The following PCSK2 variants were observed in gnomAD, a reference collection of about 807,000 sequenced individuals.
The protein encoded by PCSK2 is neuroendocrine convertase 2.
Under a neutral mutation model 69.7 loss-of-function variants are expected in PCSK2, and 14 were observed. That is an observed-to-expected ratio of 0.20 (90% confidence interval 0.13 to 0.31). The LOEUF is 0.31. PCSK2 is among the 10% of genes least tolerant of loss of function. The pLI is 1.00. For synonymous variants in PCSK2, 307 were observed against 320.7 expected (o/e 0.96, Z 0.46); for missense variants, 544 against 842.5 (o/e 0.65, Z 4.39).
intron 1 of PCSK2, among the ~76,000 whole-genome samples, chr20:17,243,388 C>T (rs541326433): frequency 6.6e-6 from 1 of 152,150 alleles, no homozygotes; most frequent in South Asian, 2.1e-4. Context: ...TTTCTAAAGA[C>T]AAGGCCTGGC....
chr20:17,274,621 C>A (rs191116753), intron 2 of PCSK2, among the ~76,000 whole-genome samples: 10 of 152,144 alleles, frequency 6.6e-5, no homozygotes, highest in Admixed American at 2.0e-4. Context: ...ACCAAGATAC[C>A]AGAACTATGA....
intron 2 of PCSK2, among the ~76,000 whole-genome samples, chr20:17,301,035 G>T (rs1454806373): frequency 6.6e-6 from 1 of 152,212 alleles, no homozygotes; most frequent in Non-Finnish European, 1.5e-5. Context: ...AGTCACTATT[G>T]CTTGGGAAGG....
chr20:17,481,949 A>G lies in PCSK2; in HGVS notation c.1796A>G (p.Tyr599Cys), dbSNP rs776316752. ...LMLHGTQSAP[Y>C]IDQVVRDYQS... Reference sequence around the variant, plus strand: ...CTGCATGGCACTCAGAGTGCCCCGTACATCGACCAGGTGGTGCGGGATTAC... The same window carrying G: ...CTGCATGGCACTCAGAGTGCCCCGTGCATCGACCAGGTGGTGCGGGATTAC... Residue 599 changes from tyrosine to cysteine, a missense_variant, in exon 12 of 12, where the codon TAC (tyrosine) becomes TGC (cysteine). Around this residue, in one of 3 missense-constraint regions of PCSK2, gnomAD observed 200 missense variants for 287.8 expected, o/e 0.69. Transcript: ENST00000262545. 6.2e-7 allele frequency: 1 copy of G among 1,613,556 alleles called. No homozygotes were observed. Among genetic ancestry groups the G allele is most frequent in the Non-Finnish European group, 8.5e-7 (1 of 1,179,964 alleles).
intron 2 of PCSK2, among the ~76,000 whole-genome samples, chr20:17,311,735 C>T (rs1356778480): frequency 2.6e-5 from 4 of 152,150 alleles, no homozygotes. Flanking sequence ...GATGACCCTA[C>T]AAGGAGCCTA....
intron 5 of PCSK2, among the ~76,000 whole-genome samples, chr20:17,395,401 G>A (rs1484673770): frequency 6.6e-6 from 1 of 152,170 alleles, no homozygotes; most frequent in Admixed American, 6.5e-5. Flanking sequence ...TAAGCAAGGT[G>A]TTCACAGTCT....
intron 8 of PCSK2, among the ~76,000 whole-genome samples, chr20:17,442,097 G>T (rs1313147336): frequency 6.6e-6 from 1 of 151,774 alleles, no homozygotes; most frequent in Non-Finnish European, 1.5e-5. Context: ...GAAGGCAGAG[G>T]GGCTGGGGAT....
At chr20:17,447,790 AT>A (rs1254453479) in intron 8 of PCSK2, among the ~76,000 whole-genome samples, 1 of 152,180 alleles carries the variant, frequency 6.6e-6, no homozygotes, top group African/African-American at 2.4e-5. Context: ...CATAAAACTA[AT>A]AAAAAATTAT....
intron 2 of PCSK2, among the ~76,000 whole-genome samples, chr20:17,300,411 C>G (rs1047516784): frequency 2.6e-5 from 4 of 152,200 alleles, no homozygotes; most frequent in African/African-American, 9.6e-5. Flanking sequence ...GAGGTCCTTG[C>G]CCATTCCCCA....
chr20:17,309,210 T>C (rs955415028), intron 2 of PCSK2, among the ~76,000 whole-genome samples: 3 of 152,134 alleles, frequency 2.0e-5, no homozygotes, highest in Non-Finnish European at 2.9e-5. Context: ...GAGTTTCTCT[T>C]TTCACATGGC....
intron 2 of PCSK2, among the ~76,000 whole-genome samples, chr20:17,325,529 C>A (rs1343802131): frequency 6.6e-6 from 1 of 152,190 alleles, no homozygotes; most frequent in Non-Finnish European, 1.5e-5. Flanking sequence ...TTTTATAAAG[C>A]CTTCCATCTA....
At chr20:17,291,796 G>C (rs933125149) in intron 2 of PCSK2, among the ~76,000 whole-genome samples, 1 of 152,142 alleles carries the variant, frequency 6.6e-6, no homozygotes, top group African/African-American at 2.4e-5. Context: ...AGGCAGTATA[G>C]AGCTGATATG....
chr20:17,315,657 G>A (rs1336904433), intron 2 of PCSK2, among the ~76,000 whole-genome samples: 2 of 152,258 alleles, frequency 1.3e-5, no homozygotes, highest in Non-Finnish European at 2.9e-5. Flanking sequence ...GCAGCCAGGG[G>A]CGCGCCCATC....
intron 2 of PCSK2, among the ~76,000 whole-genome samples, chr20:17,342,230 A>T (rs149357564): frequency 6.6e-6 from 1 of 152,354 alleles, no homozygotes; most frequent in East Asian, 1.9e-4. Context: ...ATTCCAAGAA[A>T]CATTGTTGAG....
intron 8 of PCSK2, among the ~76,000 whole-genome samples, 194 bp downstream of exon 8, chr20:17,437,077 G>A (rs1271061695): frequency 6.6e-6 from 1 of 151,124 alleles, no homozygotes; most frequent in East Asian, 2.0e-4. Flanking sequence ...AGAGAGGGCA[G>A]AAAAGCCTCA....
At chr20:17,465,914 C>G (rs978318364) in intron 11 of PCSK2, among the ~76,000 whole-genome samples, 2 of 152,186 alleles carry the variant, frequency 1.3e-5, no homozygotes, top group African/African-American at 4.8e-5. Context: ...AGTGATCCTT[C>G]TGCCCTGGCC....
At chr20:17,339,018 T>C (rs1322683232) in intron 2 of PCSK2, among the ~76,000 whole-genome samples, 1 of 152,218 alleles carries the variant, frequency 6.6e-6, no homozygotes, top group Non-Finnish European at 1.5e-5. Context: ...CCCGTCTAGT[T>C]TTCATTAAGA....
intron 2 of PCSK2, among the ~76,000 whole-genome samples, chr20:17,337,928 CAA>C (rs3076245): frequency 4.6e-5 from 6 of 129,842 alleles, no homozygotes; most frequent in Admixed American, 7.8e-5. Flanking sequence ...AAACCCATCT[CAA>C]AAAAAAAAAA....
chr20:17,453,639 A>T lies in PCSK2; in HGVS notation c.886-103A>T. ...AGTTTAAAAAGTGCACCCAGTCTTT[A>T]GGTTCAACTGCTGAAGAAGCCCAAC... On this transcript the variant is annotated intron_variant, in intron 8 of 11. Transcript: ENST00000262545. This position sits in a 1 kb window ranked among gnomAD's most constrained non-coding sequence, Gnocchi z 4.0. The T allele has an allele frequency of 8.1e-7, 1 of 1,231,942 alleles. No individual in the cohort carries two copies. The highest frequency in any genetic ancestry group is 1.1e-6 in the Non-Finnish European group (1 of 875,422). The allele number at this position is 1,231,942 out of a possible 1,614,324, so 76.3% of individuals were successfully genotyped here.
chr20:17,456,277 C>T (rs1215740347), intron 9 of PCSK2, 71 bp from the exon 10 acceptor site: 1 of 789,776 alleles, frequency 1.3e-6, no homozygotes, highest in Non-Finnish European at 2.2e-6. Flanking sequence ...AGATAATCCC[C>T]TGCTCCACAT....
Sources: gnomAD v4.1 joint callset for allele counts (sites outside exome capture counted in the v4.1 genomes callset) on GRCh38, gnomAD v4.1.1 for gene constraint, gnomAD v4.1.1 regional missense constraint, Gnocchi (gnomAD v3.1) non-coding constraint, MANE v1.5 for transcripts, NCBI Gene and HGNC (gene_info 2026-07-23, HGNC 2026-07-21) for gene names.